The following SLC30A5 variants were observed in gnomAD, a reference collection of about 807,000 sequenced individuals.
SLC30A5 encodes proton-coupled zinc antiporter SLC30A5.
Under a neutral mutation model 79.6 loss-of-function variants are expected in SLC30A5, and 33 were observed. The observed-to-expected ratio is 0.41, with a 90% CI of 0.31 to 0.55. SLC30A5 has a LOEUF of 0.55. Ranked by LOEUF, SLC30A5 falls within the 20% of genes least tolerant of loss-of-function variation. The pLI is 0.20. For synonymous variants in SLC30A5, 299 were observed against 319.7 expected (o/e 0.94, Z 0.69); for missense variants, 788 against 928.1 (o/e 0.85, Z 1.96).
At chr5:69,110,529 T>TA (rs1746203537) in intron 5 of SLC30A5, among the ~76,000 whole-genome samples, 1 of 152,166 alleles carries the variant, frequency 6.6e-6, no homozygotes, top group Admixed American at 6.5e-5. Flanking sequence ...CCCTCACTAA[T>TA]AGAGTACTCC....
Position 69,104,539 on chromosome 5 carries a change from TTA to T in SLC30A5, c.274-90_274-89del, listed in dbSNP as rs576182466. On this transcript the variant is annotated intron_variant, in intron 3 of 15. Transcript: ENST00000396591. Reference sequence around the variant, plus strand: ...AATGATTTCACCTTTAAAATATTTGTTATTATTATCTTTCTGTATTTTATTTA... The same window carrying T: ...AATGATTTCACCTTTAAAATATTTGTTTATTATCTTTCTGTATTTTATTTA... 9.0e-5 allele frequency: 127 copies of T among 1,413,026 alleles called. 1 individual carries two copies. In the Middle Eastern group the frequency reaches 1.3e-3, roughly 14 times the overall value. The allele number at this position is 1,413,026 out of a possible 1,614,324, so 87.5% of individuals were successfully genotyped here.
In SLC30A5 at chr5:69,115,922, C is replaced by T. The variant is rs1342682176; in HGVS notation, c.784-4C>T. 3.8e-6 allele frequency: 6 copies of T among 1,590,556 alleles called. No homozygotes were observed. Among genetic ancestry groups the T allele is most frequent in the Middle Eastern group, 1.7e-4 (1 of 5,904 alleles). ...TCTTGACAATTCTTTTTTTTAATTT[C>T]TAGAGTAAAGTGGAGTCTTGGTTTT... On this transcript the variant is annotated splice_polypyrimidine_tract_variant and splice_region_variant and intron_variant, in intron 8 of 15. Coordinates refer to ENST00000396591, the MANE Select transcript of SLC30A5 (RefSeq NM_022902.5).
intron 7 of SLC30A5, 132 bp downstream of exon 7, chr5:69,114,628 G>T: frequency 1.6e-6 from 1 of 638,434 alleles, no homozygotes; most frequent in South Asian, 1.9e-5. Context: ...GCACTTTGGG[G>T]GCCAAGGCAG....
chr5:69,097,907 A>T (rs1488801819), intron 1 of SLC30A5, among the ~76,000 whole-genome samples: 1 of 152,144 alleles, frequency 6.6e-6, no homozygotes, highest in Non-Finnish European at 1.5e-5. Context: ...CAGGCTAAGT[A>T]ACCTATATTG....
chr5:69,100,941 G>A lies in SLC30A5; in HGVS notation c.206+12G>A. 1.3e-6 allele frequency: 2 copies of A among 1,514,118 alleles called. No homozygotes were observed. The highest frequency in any genetic ancestry group is 1.8e-6 in the Non-Finnish European group (2 of 1,123,894). 93.8% of individuals were successfully genotyped at this position (1,514,118 alleles called of 1,614,324 possible). ...ATATTAAAACTTGGGTGAGTGTGGG[G>A]GGGGGTTTTTTCTTGATATTTTTTA... On this transcript the variant is annotated intron_variant, in intron 2 of 15. Coordinates refer to ENST00000396591, the MANE Select transcript of SLC30A5 (RefSeq NM_022902.5).
intron 1 of SLC30A5, among the ~76,000 whole-genome samples, chr5:69,094,946 A>G (rs1177059155): frequency 6.6e-6 from 1 of 152,130 alleles, no homozygotes; most frequent in African/African-American, 2.4e-5. Flanking sequence ...CCTCTCTTCA[A>G]TTCTCCCACC....
rs1746828123 is a variant in SLC30A5, at chr5:69,130,823, T to C, written c.*1206T>C. On this transcript the variant is annotated 3_prime_UTR_variant, in exon 16 of 16. Transcript: ENST00000396591. Reference sequence around the variant, plus strand: ...TTTTTAATACCTGTCTTTCTATTTATAACATCTGAATATTTTCATTCTTAT... The same window carrying C: ...TTTTTAATACCTGTCTTTCTATTTACAACATCTGAATATTTTCATTCTTAT... 6.6e-6 allele frequency: 1 copy of C among 152,190 alleles called. No homozygotes were observed. The highest frequency in any genetic ancestry group is 2.1e-4 in the South Asian group (1 of 4,836). 9.4% of individuals were successfully genotyped at this position (152,190 alleles called of 1,614,324 possible).
At chr5:69,120,681 T>G (rs1393643731) in intron 12 of SLC30A5, among the ~76,000 whole-genome samples, 3 of 152,220 alleles carry the variant, frequency 2.0e-5, no homozygotes, top group Non-Finnish European at 4.4e-5. Context: ...TTATAAAGCC[T>G]AATGAAATTT....
At chr5:69,101,289 CTTTTT>C (rs1284022184) in intron 2 of SLC30A5, among the ~76,000 whole-genome samples, 2 of 138,976 alleles carry the variant, frequency 1.4e-5, no homozygotes, top group African/African-American at 5.4e-5. Flanking sequence ...TTTTTTTTTT[CTTTTT>C]TGAGACACAG....
At chr5:69,121,619 C>A in intron 12 of SLC30A5, 75 bp from the exon 13 acceptor site, 2 of 999,844 alleles carry the variant, frequency 2.0e-6, no homozygotes, top group South Asian at 1.7e-5. Context: ...ACATATATAG[C>A]TATATAATAA....
At chr5:69,107,441 G>A (rs1036792499) in intron 4 of SLC30A5, among the ~76,000 whole-genome samples, 18 of 152,114 alleles carry the variant, frequency 1.2e-4, no homozygotes, top group African/African-American at 4.3e-4. Context: ...ACAAGCAAAA[G>A]TACATTCTAA....
In SLC30A5 at chr5:69,125,870, CAA is replaced by C. The variant is rs532994254; in HGVS notation, c.1999-2109_1999-2108del. Among the ~76,000 whole-genome samples, 110 of 54,190 alleles carry C rather than the reference CAA, an allele frequency of 2.0e-3. 1 individual carries two copies. Among genetic ancestry groups the C allele is most frequent in the African/African-American group, 8.4e-3 (95 of 11,324 alleles). The allele number at this position is 54,190 out of a possible 152,430, so 35.6% of individuals were successfully genotyped here. On this transcript the variant is annotated intron_variant, in intron 14 of 15. Coordinates refer to ENST00000396591, the MANE Select transcript of SLC30A5 (RefSeq NM_022902.5). ...CGGGCCACAGAGCGAGACTCCGTCT[CAA>C]AAAAAAAAAAAAAAAAAAAAAAAAT...
rs777634570 is a variant in SLC30A5 at position 69,100,944 on chromosome 5, G to GC, written c.206+15_206+16insC. On this transcript the variant is annotated intron_variant, in intron 2 of 15. Transcript: ENST00000396591. ...TTAAAACTTGGGTGAGTGTGGGGGG[G>GC]GGTTTTTTCTTGATATTTTTTATTT... 2 of 1,467,856 alleles carry GC rather than the reference G, an allele frequency of 1.4e-6. No individual in the cohort carries two copies. Among genetic ancestry groups the GC allele is most frequent in the Admixed American group, 2.2e-5 (1 of 45,228 alleles). The allele number at this position is 1,467,856 out of a possible 1,614,324, so 90.9% of individuals were successfully genotyped here.
chr5:69,115,555 T>A lies in SLC30A5; in HGVS notation c.783+148T>A, dbSNP rs78523101. 5,714 of 677,518 alleles carry A rather than the reference T, an allele frequency of 8.4e-3. 248 individuals carry two copies. The African/African-American group carries it at 0.092, about 11-fold the overall frequency. The allele number at this position is 677,518 out of a possible 1,614,324, so 42.0% of individuals were successfully genotyped here. A position where few individuals can be genotyped will look rare whatever the true frequency, so the allele number is the denominator to read the frequency against. ...TCTTTGCTTTTTCTTTGTAGTTTTT[T>A]AAAAAAAATTTGGAGTTAATTTTAT... is the stretch of plus-strand genomic sequence containing the variant. On this transcript the variant is annotated intron_variant, in intron 8 of 15. Transcript: ENST00000396591.
intron 14 of SLC30A5, among the ~76,000 whole-genome samples, chr5:69,124,935 A>C (rs1009442272): frequency 1.3e-5 from 2 of 152,194 alleles, no homozygotes; most frequent in Non-Finnish European, 2.9e-5. Context: ...ACCAGAGGCC[A>C]AAAAGGGAGG....
chr5:69,107,930 A>T (rs1235681008), intron 4 of SLC30A5, among the ~76,000 whole-genome samples: 2 of 152,052 alleles, frequency 1.3e-5, no homozygotes, highest in African/African-American at 4.8e-5. Flanking sequence ...ATGGGGTTTC[A>T]CCATGTTGGC....
chr5:69,096,917 A>G (rs1397297631), intron 1 of SLC30A5, among the ~76,000 whole-genome samples: 2 of 150,842 alleles, frequency 1.3e-5, no homozygotes, highest in Non-Finnish European at 2.9e-5. Flanking sequence ...CTATGATCCT[A>G]TAAGTGCACT....
At chr5:69,126,886 A>G (rs1746711711) in intron 14 of SLC30A5, among the ~76,000 whole-genome samples, 2 of 148,946 alleles carry the variant, frequency 1.3e-5, no homozygotes, top group South Asian at 4.2e-4. Context: ...AAAAAAAAAA[A>G]TCACATAATT....
At chr5:69,106,871 C>CT (rs1051468938) in intron 4 of SLC30A5, among the ~76,000 whole-genome samples, 121 of 146,018 alleles carry the variant, frequency 8.3e-4, no homozygotes, top group Admixed American at 9.6e-4. Context: ...TTTTTTTCAA[C>CT]TTTTTTTTTT....
Sources: gnomAD v4.1 joint callset for allele counts (sites outside exome capture counted in the v4.1 genomes callset) on GRCh38, gnomAD v4.1.1 for gene constraint, MANE v1.5 for transcripts, NCBI Gene and HGNC (gene_info 2026-07-23, HGNC 2026-07-21) for gene names.